The following ATP6V1E2 variants were observed in gnomAD, a reference collection of about 807,000 sequenced individuals.
The protein encoded by ATP6V1E2 is ATPase H+ transporting V1 subunit E2, also known as V-type proton ATPase subunit E 2.
For missense variants in ATP6V1E2, 308 were observed against 273.3 expected (o/e 1.13, Z -0.90); for synonymous variants, 121 against 104.2 (o/e 1.16, Z -0.98).
At chr2:46,513,410 T>A (rs563602208) in intron 4 of ATP6V1E2, among the ~76,000 whole-genome samples, 2 of 152,366 alleles carry the variant, frequency 1.3e-5, no homozygotes, top group African/African-American at 4.8e-5. Flanking sequence ...GGGTGGAATG[T>A]TCTGCATATA....
intron 2 of ATP6V1E2, among the ~76,000 whole-genome samples, chr2:46,540,853 G>A (rs1190159979): frequency 6.6e-6 from 1 of 152,064 alleles, no homozygotes; most frequent in Non-Finnish European, 1.5e-5. Flanking sequence ...AAAGAATGAG[G>A]TCACTGTCAC....
intron 4 of ATP6V1E2, among the ~76,000 whole-genome samples, chr2:46,518,039 T>C (rs1246051368): frequency 6.6e-6 from 1 of 152,142 alleles, no homozygotes; most frequent in Non-Finnish European, 1.5e-5. Flanking sequence ...CTTGAAGAAA[T>C]GTTTGCACAC....
chr2:46,530,185 C>T lies in ATP6V1E2; in HGVS notation c.-102+5628G>A, dbSNP rs564398617. On this transcript the variant is annotated intron_variant, in intron 4 of 4. Transcript: ENST00000522587. The surrounding 1 kb of genome is among the most constrained non-coding windows in gnomAD (Gnocchi z 5.2). ...CTACCACCTACATACAGAGCCCTCT[C>T]CTCTTCCAGCCCCAGGATTCCCTGG... is the stretch of plus-strand genomic sequence containing the variant. Among the ~76,000 whole-genome samples, 41 of 152,306 alleles carry T rather than the reference C, an allele frequency of 2.7e-4. No homozygotes were observed. Among genetic ancestry groups the T allele is most frequent in the African/African-American group, 8.9e-4 (37 of 41,570 alleles).
In ATP6V1E2 at chr2:46,511,932, A is replaced by G; in HGVS notation, c.*99T>C. 3.7e-6 allele frequency: 4 copies of G among 1,069,960 alleles called. No homozygotes were observed. Among genetic ancestry groups the G allele is most frequent in the Non-Finnish European group, 5.4e-6 (4 of 745,794 alleles). 66.3% of individuals were successfully genotyped at this position (1,069,960 alleles called of 1,614,324 possible). A position where few individuals can be genotyped will look rare whatever the true frequency, so the allele number is the denominator to read the frequency against. On this transcript the variant is annotated 3_prime_UTR_variant, in exon 5 of 5. Coordinates refer to ENST00000522587, the MANE Select transcript of ATP6V1E2 (RefSeq NM_001318063.2). ...TCGTGAAGAAAAACAGAACAGTATC[A>G]GAGCATCAAAGAGGAGGAAACACTA... is the stretch of plus-strand genomic sequence containing the variant.
intron 4 of ATP6V1E2, among the ~76,000 whole-genome samples, chr2:46,515,549 G>C (rs1242384803): frequency 1.3e-5 from 2 of 152,104 alleles, no homozygotes; most frequent in African/African-American, 4.8e-5. Flanking sequence ...GCCACCAGGG[G>C]TTGGGGGCAG....
rs371071442 is a variant in ATP6V1E2, at chr2:46,535,650, G to C, written c.-102+163C>G. 2.0e-5 allele frequency: 3 copies of C among 152,232 alleles called. No homozygotes were observed. The highest frequency in any genetic ancestry group is 7.2e-5 in the African/African-American group (3 of 41,432). 9.4% of individuals were successfully genotyped at this position (152,232 alleles called of 1,614,324 possible). A position where few individuals can be genotyped will look rare whatever the true frequency, so the allele number is the denominator to read the frequency against. On this transcript the variant is annotated intron_variant, in intron 4 of 4. Coordinates refer to ENST00000522587, the MANE Select transcript of ATP6V1E2 (RefSeq NM_001318063.2). The surrounding 1 kb of genome is among the most constrained non-coding windows in gnomAD (Gnocchi z 4.4). ...CCTGATGTGCCACTTCCTGGGTCAG[G>C]AACTGAACTGTGTACCCACCACTAA...
intron 4 of ATP6V1E2, chr2:46,534,632 A>C (rs1667349998): frequency 6.6e-6 from 1 of 152,168 alleles, no homozygotes; most frequent in South Asian, 2.1e-4. Context: ...TTGTTTTAAA[A>C]ATGGTAAAAT....
chr2:46,532,520 T>C (rs192854992), intron 4 of ATP6V1E2, among the ~76,000 whole-genome samples: 1 of 152,220 alleles, frequency 6.6e-6, no homozygotes, highest in Non-Finnish European at 1.5e-5. Flanking sequence ...AAAATTTATG[T>C]TGGAACTTAA....
chr2:46,514,262 AGAGT>A (rs1331727095), intron 4 of ATP6V1E2, among the ~76,000 whole-genome samples: 1 of 152,062 alleles, frequency 6.6e-6, no homozygotes, highest in Non-Finnish European at 1.5e-5. Context: ...TTGGGTGACA[AGAGT>A]GAGACTCTGT....
At chr2:46,532,678 G>A (rs1466552693) in intron 4 of ATP6V1E2, among the ~76,000 whole-genome samples, 1 of 152,162 alleles carries the variant, frequency 6.6e-6, no homozygotes, top group African/African-American at 2.4e-5. Flanking sequence ...TACCATGTGA[G>A]GTCATAGTGT....
At chr2:46,540,613 C>CTTTTTTTT (rs59810518) in intron 2 of ATP6V1E2, among the ~76,000 whole-genome samples, 14,164 of 112,852 alleles carry the variant, frequency 0.13, 1,803 homozygotes, top group Non-Finnish European at 0.17. Context: ...TTTTCTGTAA[C>CTTTTTTTT]TTTTTTTTTT....
At chr2:46,525,650 G>A (rs993983215) in intron 4 of ATP6V1E2, among the ~76,000 whole-genome samples, 1 of 152,114 alleles carries the variant, frequency 6.6e-6, no homozygotes, top group Non-Finnish European at 1.5e-5. Context: ...TGAGTAAGGA[G>A]CCACATAGAG....
chr2:46,516,999 G>A (rs1687742525), intron 4 of ATP6V1E2, among the ~76,000 whole-genome samples: 1 of 152,080 alleles, frequency 6.6e-6, no homozygotes, highest in Non-Finnish European at 1.5e-5. Context: ...AATTCATATA[G>A]AATCACAAAG....
In ATP6V1E2 at chr2:46,512,674, T is replaced by C. The variant is rs774789970; in HGVS notation, c.38A>G (p.Lys13Arg). The C allele has an allele frequency of 1.2e-6, 2 of 1,614,002 alleles. No homozygotes were observed. Among genetic ancestry groups the C allele is most frequent in the South Asian group, 2.2e-5 (2 of 91,066 alleles). ...LSDVDVKKQI[K>R]HMMAFIEQEA... ...CTGCTCAATGAAAGCCATCATGTGC[T>C]TAATCTGCTTTTTCACATCGACATC... The change falls in exon 5 of 5, where the codon AAG (lysine) becomes AGG (arginine). Residue 13 changes from lysine (K) to arginine (R), a missense_variant. Coordinates refer to ENST00000522587, the MANE Select transcript of ATP6V1E2 (RefSeq NM_001318063.2).
chr2:46,542,160 C>A (rs1322063586), intron 1 of ATP6V1E2, 57 bp downstream of exon 1: 1 of 151,306 alleles, frequency 6.6e-6, no homozygotes, highest in East Asian at 2.0e-4. Flanking sequence ...TCCTGCTTTC[C>A]AGCTCAAGGA....
At chr2:46,527,365 G>C (rs1263481361) in intron 4 of ATP6V1E2, among the ~76,000 whole-genome samples, 4 of 152,138 alleles carry the variant, frequency 2.6e-5, no homozygotes, top group African/African-American at 9.7e-5. Context: ...GGGACTACAG[G>C]CACCTGCCAC....
chr2:46,527,336 C>T (rs1271435052), intron 4 of ATP6V1E2, among the ~76,000 whole-genome samples: 1 of 152,150 alleles, frequency 6.6e-6, no homozygotes, highest in Non-Finnish European at 1.5e-5. Flanking sequence ...ATTCTCCTGC[C>T]TCAGCCTCTC....
intron 4 of ATP6V1E2, among the ~76,000 whole-genome samples, chr2:46,521,603 A>G (rs1043175593): frequency 5.9e-5 from 9 of 152,158 alleles, no homozygotes; most frequent in Non-Finnish European, 1.2e-4. Flanking sequence ...AGTGGGTGAG[A>G]AAATGTAGAG....
chr2:46,521,335 G>A (rs778526910), intron 4 of ATP6V1E2, among the ~76,000 whole-genome samples: 7 of 152,176 alleles, frequency 4.6e-5, no homozygotes, highest in East Asian at 3.9e-4. Context: ...GGAGGCAGCC[G>A]CAGGGAGTTC....
Sources: gnomAD v4.1 joint callset for allele counts (sites outside exome capture counted in the v4.1 genomes callset) on GRCh38, gnomAD v4.1.1 for gene constraint, Gnocchi (gnomAD v3.1) non-coding constraint, MANE v1.5 for transcripts, NCBI Gene and HGNC (gene_info 2026-07-23, HGNC 2026-07-21) for gene names.